Variants in SELENBP1 observed in about 807,000 individuals in gnomAD.
SELENBP1 encodes the protein methanethiol oxidase.
Under a neutral mutation model 61.0 loss-of-function variants are expected in SELENBP1, and 71 were observed. The ratio of observed to expected loss-of-function variants is 1.16; its 90% CI spans 0.96 to 1.42. The LOEUF is 1.42. SELENBP1 is among the 40% of genes most tolerant of loss of function. The pLI is 0.00. For synonymous variants in SELENBP1, 270 were observed against 238.9 expected, an observed-to-expected ratio of 1.13 and a Z score of -1.20; for missense variants, 561 against 605.0, an observed-to-expected ratio of 0.93 and a Z score of 0.76.
chr1:151,371,219 A>G (rs1255728489), intron 1 of SELENBP1, among the ~76,000 whole-genome samples: 1 of 152,100 alleles, frequency 6.6e-6, no homozygotes, highest in Non-Finnish European at 1.5e-5. Flanking sequence ...CCCTGTCTCT[A>G]TTAAAAATAC....
At chr1:151,371,411 TAA>T (rs553659478) in intron 1 of SELENBP1, among the ~76,000 whole-genome samples, 6 of 129,008 alleles carry the variant, frequency 4.7e-5, no homozygotes, top group African/African-American at 2.9e-5. Context: ...AAATTCTGAC[TAA>T]AAAAAAAAAA....
chr1:151,372,436 G>A lies in SELENBP1; in HGVS notation c.4+202C>T, dbSNP rs141702929. On this transcript the variant is annotated intron_variant, in intron 1 of 11. Transcript: ENST00000368868. ...CCATCTCCCAGCAGTGCCTCTGCCC[G>A]TCTTCCTCAGAAAGTTTGGCTGAGC... Among the ~76,000 whole-genome samples the A allele has an allele frequency of 2.4e-4, 37 of 152,206 alleles. No individual in the cohort carries two copies. In the East Asian group the frequency reaches 5.2e-3, roughly 21 times the overall value.
rs528316081 is a variant in SELENBP1, at chr1:151,369,131, T to G, written c.233A>C (p.Asn78Thr). The change falls in exon 4 of 12, where the codon AAC becomes ACC. Residue 78 changes from asparagine (N) to threonine (T), a missense_variant. Physicochemically the swap from Asn to Thr is moderately conservative, Grantham distance 65 (BLOSUM62 0). Coordinates refer to ENST00000368868, the MANE Select transcript of SELENBP1 (RefSeq NM_003944.4). Reference sequence around the variant, plus strand: ...ATCACCGAAGCAGCTGCTGCAGGTGTTCCATCCTGAGTGATGCAGCTCGTC... The same window carrying G: ...ATCACCGAAGCAGCTGCTGCAGGTGGTCCATCCTGAGTGATGCAGCTCGTC... The part of the protein sequence containing the change: ...LKDELHHSGW[N>T]TCSSCFGDST... 82 of 1,614,016 alleles carry G rather than the reference T, an allele frequency of 5.1e-5. No individual in the cohort carries two copies. The highest frequency in any genetic ancestry group is 6.9e-5 in the Non-Finnish European group (81 of 1,179,974).
At position 151,368,136 on chromosome 1, in the gene SELENBP1, A is replaced by G. The variant is rs528059047; in HGVS notation, c.481+63T>C. ...CCCTTCCATTCTGCTCCTCCCACAG[A>G]AAAATGCTTCCCACATTTCACAGCT... On this transcript the variant is annotated intron_variant, in intron 5 of 11. Transcript: ENST00000368868. The G allele has an allele frequency of 7.2e-5, 113 of 1,580,254 alleles. 1 individual carries two copies. Among genetic ancestry groups the G allele is most frequent in the Middle Eastern group, 6.2e-4 (3 of 4,826 alleles).
rs757776410 is a variant in SELENBP1, at chr1:151,366,324, A to G, written c.794T>C (p.Phe265Ser). 6.2e-7 allele frequency: 1 copy of G among 1,614,150 alleles called. No individual in the cohort carries two copies. The highest frequency in any genetic ancestry group is 1.1e-5 in the South Asian group (1 of 91,084). The change falls in exon 7 of 12, where the codon TTT becomes TCT. Residue 265 changes from phenylalanine (F) to serine (S), a missense_variant. Coordinates refer to ENST00000368868, the MANE Select transcript of SELENBP1 (RefSeq NM_003944.4). ...GGTGGAGCTGAGTGCGCAGCCCACA[A>G]AGCCTTGGGCAGCGTCTGGGTTGTG... ...FLHNPDAAQG[F>S]VGCALSSTIQ...
At position 151,366,015 on chromosome 1, in the gene SELENBP1, T is replaced by C; in HGVS notation, c.844-169A>G. On this transcript the variant is annotated intron_variant, in intron 7 of 11. Coordinates refer to ENST00000368868, the MANE Select transcript of SELENBP1 (RefSeq NM_003944.4). Reference sequence around the variant, plus strand: ...TGCAAGCCCCTTGAGGCAGGGGTTGTGTCTGCTTCACCACTGCATTCCCAG... The same window carrying C: ...TGCAAGCCCCTTGAGGCAGGGGTTGCGTCTGCTTCACCACTGCATTCCCAG... The C allele has an allele frequency of 3.9e-6, 3 of 762,540 alleles. No homozygotes were observed. In the South Asian group the frequency reaches 5.3e-5, roughly 13 times the overall value. 47.2% of individuals were successfully genotyped at this position (762,540 alleles called of 1,614,324 possible).
At chr1:151,366,549 A>G (rs920729808) in intron 6 of SELENBP1, 96 bp from the exon 7 acceptor site, 14 of 1,471,732 alleles carry the variant, frequency 9.5e-6, no homozygotes, top group Non-Finnish European at 1.3e-5. Flanking sequence ...AGGTTAAGAA[A>G]TGGATTGGAG....
In SELENBP1 at chr1:151,369,706, C is replaced by CAATT; in HGVS notation, c.61+3_61+6dup. The stretch of plus-strand genomic sequence containing the variant: ...AGGGCGCTGGCTCTCAGACCATGGG[C>CAATT]AATTACCTTTCATGGCCTCCAGAGG... On this transcript the variant is annotated splice_region_variant and intron_variant, in intron 2 of 11. Coordinates refer to ENST00000368868, the MANE Select transcript of SELENBP1 (RefSeq NM_003944.4). 1 of 1,551,540 alleles carries CAATT rather than the reference C, an allele frequency of 6.4e-7. No homozygotes were observed. Among genetic ancestry groups the CAATT allele is most frequent in the Admixed American group, 2.0e-5 (1 of 50,994 alleles).
At chr1:151,368,453 G>T in intron 4 of SELENBP1, 134 bp from the exon 5 acceptor site, 1 of 1,260,204 alleles carries the variant, frequency 7.9e-7, no homozygotes, top group Non-Finnish European at 1.1e-6. Flanking sequence ...CTCTCCCTGT[G>T]GGAATATGAC....
At position 151,366,317 on chromosome 1, in the gene SELENBP1, GC is replaced by G; in HGVS notation, c.800del (p.Gly267AlafsTer24). On this transcript the variant is annotated frameshift_variant, in exon 7 of 12. Transcript: ENST00000368868. LOFTEE classifies it high-confidence loss of function. ...GCTGGATGGTGGAGCTGAGTGCGCA[GC>G]CCACAAAGCCTTGGGCAGCGTCTGG... ...HNPDAAQGFV[G>X]CALSSTIQRF... 6.2e-7 allele frequency: 1 copy of G among 1,614,144 alleles called. No homozygotes were observed. The highest frequency in any genetic ancestry group is 8.5e-7 in the Non-Finnish European group (1 of 1,180,028).
chr1:151,369,886 C>T (rs1419771114), intron 1 of SELENBP1, 117 bp from the exon 2 acceptor site: 2 of 1,550,190 alleles, frequency 1.3e-6, no homozygotes, highest in South Asian at 2.4e-5. Flanking sequence ...CCTAGGTCCC[C>T]ACTCCAGCCT....
intron 2 of SELENBP1, 34 bp from the exon 3 acceptor site, chr1:151,369,588 G>C: frequency 6.4e-7 from 1 of 1,574,468 alleles, no homozygotes; most frequent in Non-Finnish European, 8.6e-7. Flanking sequence ...AGGGACGGCA[G>C]GGTGGGAAGG....
In SELENBP1 at chr1:151,365,668, G is replaced by A. The variant is rs1311538841; in HGVS notation, c.939C>T (p.Ile313=). Residue 313 remains isoleucine (I), a synonymous_variant, in exon 9 of 12, where the codon ATC becomes ATT. Transcript: ENST00000368868. ...GGAAGCGGTCGTCCAGGGAGAGCAG[G>A]ATGTCGGTGATCAGGCCTGTGGGCA... ...LPEMPGLITD[I]LLSLDDRFLY... 3 of 1,614,078 alleles carry A rather than the reference G, an allele frequency of 1.9e-6. No individual in the cohort carries two copies. The highest frequency in any genetic ancestry group is 2.5e-6 in the Non-Finnish European group (3 of 1,180,048).
At chr1:151,369,820 G>A (rs559115558) in intron 1 of SELENBP1, 51 bp from the exon 2 acceptor site, 1 of 1,551,554 alleles carries the variant, frequency 6.4e-7, no homozygotes, top group Non-Finnish European at 8.7e-7. Flanking sequence ...GAGGGTGAAG[G>A]CTCCCTCCGC....
In SELENBP1 at chr1:151,365,764, TC is replaced by T; in HGVS notation, c.922+3del. On this transcript the variant is annotated splice_donor_region_variant and intron_variant, in intron 8 of 11. Transcript: ENST00000368868. Reference sequence around the variant, plus strand: ...ATCAACTTTCCTATGCCCTAGGCACTCACCTGGCATTTCGGGCAGCAGCCAG... The same window carrying T: ...ATCAACTTTCCTATGCCCTAGGCACTACCTGGCATTTCGGGCAGCAGCCAG... 13 of 1,614,114 alleles carry T rather than the reference TC, an allele frequency of 8.1e-6. No homozygotes were observed. Among genetic ancestry groups the T allele is most frequent in the Non-Finnish European group, 1.0e-5 (12 of 1,180,014 alleles).
chr1:151,369,962 A>T, intron 1 of SELENBP1, 193 bp from the exon 2 acceptor site: 1 of 1,484,714 alleles, frequency 6.7e-7, no homozygotes, highest in Non-Finnish European at 9.0e-7. Flanking sequence ...TGCTGGGAAG[A>T]GCTGGAGACA....
In SELENBP1 at chr1:151,364,670, G is replaced by A. The variant is rs566103538; in HGVS notation, c.1292C>T (p.Thr431Ile). 1.2e-6 allele frequency: 2 copies of A among 1,608,360 alleles called. No individual in the cohort carries two copies. Among genetic ancestry groups the A allele is most frequent in the African/African-American group, 1.3e-5 (1 of 74,990 alleles). ...GSVMLQVDVDTVKGGLKLNPN... is the reference protein window; with the variant it reads ...GSVMLQVDVDIVKGGLKLNPN... ...GTTCAACTTCAGCCCTCCTTTTACT[G>A]TGTCTACATCAACCTGCAGCATCAC... Residue 431 changes from threonine (T) to isoleucine (I), a missense_variant, in exon 12 of 12, where the codon ACA becomes ATA. Coordinates refer to ENST00000368868, the MANE Select transcript of SELENBP1 (RefSeq NM_003944.4).
In SELENBP1 at chr1:151,364,432, G is replaced by T; in HGVS notation, c.*111C>A. 1 of 1,296,450 alleles carries T rather than the reference G, an allele frequency of 7.7e-7. No individual in the cohort carries two copies. Among genetic ancestry groups the T allele is most frequent in the Non-Finnish European group, 1.1e-6 (1 of 905,126 alleles). 80.3% of individuals were successfully genotyped at this position (1,296,450 alleles called of 1,614,324 possible). A position where few individuals can be genotyped will look rare whatever the true frequency, so the allele number is the denominator to read the frequency against. The stretch of plus-strand genomic sequence containing the variant: ...AACACATTGCCACAGTCTCAGCTTG[G>T]CTGTGTGGTACATGCTGCCAAGGGT... On this transcript the variant is annotated 3_prime_UTR_variant, in exon 12 of 12. Transcript: ENST00000368868.
intron 1 of SELENBP1, 46 bp from the exon 2 acceptor site, chr1:151,369,815 T>C: frequency 6.4e-7 from 1 of 1,551,366 alleles, no homozygotes; most frequent in Non-Finnish European, 8.7e-7. Flanking sequence ...CTCTGGAGGG[T>C]GAAGGCTCCC....
Sources: allele counts gnomAD v4.1 joint callset (sites outside exome capture counted in the v4.1 genomes callset), GRCh38; gene constraint gnomAD v4.1.1; transcripts MANE v1.5; gene names NCBI Gene and HGNC (gene_info 2026-07-23, HGNC 2026-07-21).